The following C11orf16 variants were observed in gnomAD, a reference collection of about 807,000 sequenced individuals.
C11orf16 encodes the protein chromosome 11 open reading frame 16, also known as uncharacterized protein C11orf16.
C11orf16 carries 38 observed loss-of-function variants against 45.1 expected under a neutral mutation model. That is an observed-to-expected ratio of 0.84 (90% CI 0.65 to 1.10). C11orf16 has a LOEUF of 1.10. Ranked by LOEUF, C11orf16 falls within the 50% of genes least tolerant of loss-of-function variation. C11orf16 has a pLI of 0.00. For missense variants in C11orf16, 583 were observed against 569.5 expected (o/e 1.02, Z -0.24); for synonymous variants, 221 against 222.0 (o/e 1.00, Z 0.04).
At chr11:8,924,862 G>A (rs555665744) in intron 5 of C11orf16, among the ~76,000 whole-genome samples, 2 of 152,304 alleles carry the variant, frequency 1.3e-5, no homozygotes, top group South Asian at 4.1e-4. Context: ...AACCTAGCAG[G>A]GCCCGCCACA....
intron 4 of C11orf16, among the ~76,000 whole-genome samples, chr11:8,926,322 A>G (rs10769974): frequency 0.54 from 81,936 of 150,754 alleles, 23,493 homozygotes; most frequent in East Asian, 0.69. Flanking sequence ...TCCACGTCCT[A>G]ATCATGGGAT....
rs2134835483 is a variant in C11orf16, at chr11:8,926,845, C to A, written c.559+95G>T. On this transcript the variant is annotated intron_variant, in intron 4 of 6. Transcript: ENST00000326053. Reference sequence around the variant, plus strand: ...AATTCTCTTCTTAATGCCTTAGAAACCCCTAAGCTGTAGACGCAGCCTTGG... The same window carrying A: ...AATTCTCTTCTTAATGCCTTAGAAAACCCTAAGCTGTAGACGCAGCCTTGG... 5.2e-6 allele frequency: 5 copies of A among 965,268 alleles called. No individual in the cohort carries two copies. In the Admixed American group the frequency reaches 1.2e-4, roughly 23 times the overall value. 59.8% of individuals were successfully genotyped at this position (965,268 alleles called of 1,614,324 possible).
intron 3 of C11orf16, 193 bp from the exon 4 acceptor site, chr11:8,927,367 G>A (rs1228661557): frequency 5.0e-6 from 3 of 599,988 alleles, no homozygotes; most frequent in East Asian, 2.8e-5. Context: ...GTGTGGCACG[G>A]TTGTGCTCCC....
chr11:8,923,896 T>A (rs1448857478), intron 5 of C11orf16, among the ~76,000 whole-genome samples: 1 of 131,412 alleles, frequency 7.6e-6, no homozygotes, highest in Non-Finnish European at 1.6e-5. Context: ...TGAGCCACTG[T>A]GCCCAGCGAA....
At position 8,920,121 on chromosome 11, in the gene C11orf16, A is replaced by T. The variant is rs953976062; in HGVS notation, c.*352T>A. 2.6e-5 allele frequency: 8 copies of T among 310,314 alleles called. No individual in the cohort carries two copies. Among genetic ancestry groups the T allele is most frequent in the African/African-American group, 1.5e-4 (7 of 46,994 alleles). The allele number at this position is 310,314 out of a possible 1,614,324, so 19.2% of individuals were successfully genotyped here. A position where few individuals can be genotyped will look rare whatever the true frequency, so the allele number is the denominator to read the frequency against. On this transcript the variant is annotated 3_prime_UTR_variant, in exon 7 of 7. Transcript: ENST00000326053. ...TAAGAGGTGAAACAAAATGTCACTC[A>T]TGTACAACTAGGCTTTATGGGAAGG... is the stretch of plus-strand genomic sequence containing the variant.
At chr11:8,921,195 G>T in intron 6 of C11orf16, 99 bp downstream of exon 6, 1 of 885,752 alleles carries the variant, frequency 1.1e-6, no homozygotes, top group Non-Finnish European at 1.8e-6. Context: ...AGGACAAGGG[G>T]TCATAGGTTT....
Position 8,925,459 on chromosome 11 carries a change from A to G in C11orf16, c.1204+4T>C. 6.2e-7 allele frequency: 1 copy of G among 1,610,236 alleles called. No homozygotes were observed. The highest frequency in any genetic ancestry group is 8.5e-7 in the Non-Finnish European group (1 of 1,177,536). On this transcript the variant is annotated splice_donor_region_variant and intron_variant, in intron 5 of 6. Transcript: ENST00000326053. ...TAGAAAGCAAGCCCACTCCCCTGGTATACCTGGCTTCCCAAGGCATGGCTC... is the reference window on the plus strand; with the variant it reads ...TAGAAAGCAAGCCCACTCCCCTGGTGTACCTGGCTTCCCAAGGCATGGCTC...
intron 4 of C11orf16, 94 bp from the exon 5 acceptor site, chr11:8,926,201 T>G (rs1327887855): frequency 4.9e-6 from 6 of 1,221,798 alleles, no homozygotes; most frequent in Non-Finnish European, 6.6e-6. Context: ...TTTTTTTTTT[T>G]TTTGAGACAG....
intron 2 of C11orf16, among the ~76,000 whole-genome samples, chr11:8,931,664 A>C (rs971720579): frequency 6.6e-6 from 1 of 152,054 alleles, no homozygotes; most frequent in Non-Finnish European, 1.5e-5. Flanking sequence ...TGCTGGGATT[A>C]CAGGCATGAG....
chr11:8,926,595 A>G (rs1436114977), intron 4 of C11orf16, among the ~76,000 whole-genome samples: 5 of 152,154 alleles, frequency 3.3e-5, no homozygotes, highest in Non-Finnish European at 5.9e-5. Context: ...CTGAATTACA[A>G]TGGTGCTGAC....
Position 8,921,316 on chromosome 11 carries a change from C to G in C11orf16, c.1404G>C (p.Ter468TyrextTer11). 1.2e-6 allele frequency: 2 copies of G among 1,614,090 alleles called. No homozygotes were observed. Among genetic ancestry groups the G allele is most frequent in the South Asian group, 2.2e-5 (2 of 91,082 alleles). Reference protein sequence around the residue: ...AICQWNKNSR* With the variant: ...AICQWNKNSRY ...TACCTAGATCCTCAGGGCTCTTAGT[C>G]TAACGGGAATTCTTGTTCCACTGAC... Residue 468 changes from the stop codon to tyrosine (Y), a stop_lost, in exon 6 of 7, where the codon TAG (stop) becomes TAC (tyrosine). Transcript: ENST00000326053.
chr11:8,929,115 CA>C (rs1566113741), intron 3 of C11orf16: 2 of 397,512 alleles, frequency 5.0e-6, no homozygotes, highest in Non-Finnish European at 9.0e-6. Flanking sequence ...CCAACCTTGC[CA>C]ACCCCTGGAC....
Position 8,926,107 on chromosome 11 carries a change from G to T in C11orf16, c.560C>A (p.Ala187Glu), listed in dbSNP as rs1566112523. 1 of 1,558,058 alleles carries T rather than the reference G, an allele frequency of 6.4e-7. No homozygotes were observed. The highest frequency in any genetic ancestry group is 8.7e-7 in the Non-Finnish European group (1 of 1,151,738). Residue 187 changes from alanine to glutamate, a missense_variant and splice_region_variant, in exon 5 of 7, where the codon GCA becomes GAA. Ala to Glu is a moderately radical substitution (Grantham distance 107). Transcript: ENST00000326053. ...LGLEMRDPQR[A>E]SKEKEITVHF... ...AACAGTGATTTCTTTTTCCTTTGAT[G>T]CTACATAACAAAAAATGGCAACATT...
intron 3 of C11orf16, chr11:8,929,113 G>T: frequency 2.5e-6 from 1 of 394,194 alleles, no homozygotes; most frequent in South Asian, 4.9e-5. Flanking sequence ...AACCAACCTT[G>T]CCAACCCCTG....
chr11:8,927,635 A>C, intron 3 of C11orf16: 1 of 456,826 alleles, frequency 2.2e-6, no homozygotes, highest in Non-Finnish European at 4.4e-6. Flanking sequence ...TATGAGGCTC[A>C]TGTAGGCAAG....
At chr11:8,928,636 G>A (rs559402565) in intron 3 of C11orf16, among the ~76,000 whole-genome samples, 12 of 152,252 alleles carry the variant, frequency 7.9e-5, no homozygotes, top group South Asian at 6.2e-4. Context: ...AAGTAGCTGC[G>A]ACTACAGCCA....
chr11:8,927,192 C>A lies in C11orf16; in HGVS notation c.325-18G>T, dbSNP rs776953404. 1 of 1,595,568 alleles carries A rather than the reference C, an allele frequency of 6.3e-7. No individual in the cohort carries two copies. The highest frequency in any genetic ancestry group is 2.2e-5 in the East Asian group (1 of 44,636). On this transcript the variant is annotated intron_variant, in intron 3 of 6. Transcript: ENST00000326053. ...CTCTCCAGCTGTGGGAAAGAAAACACTCAGAATAAGACCTGGCATTACAAA... is the reference window on the plus strand; with the variant it reads ...CTCTCCAGCTGTGGGAAAGAAAACAATCAGAATAAGACCTGGCATTACAAA...
chr11:8,931,012 G>C (rs760048707), intron 2 of C11orf16, among the ~76,000 whole-genome samples: 6 of 152,182 alleles, frequency 3.9e-5, no homozygotes, highest in Admixed American at 6.5e-5. Context: ...GCAGGAATGC[G>C]AGTCCCTGGA....
intron 5 of C11orf16, among the ~76,000 whole-genome samples, chr11:8,923,805 T>G (rs1195994162): frequency 6.6e-6 from 1 of 151,938 alleles, no homozygotes; most frequent in Non-Finnish European, 1.5e-5. Flanking sequence ...GGTTTCACTT[T>G]GTTGGTCAGG....
Sources: allele counts gnomAD v4.1 joint callset (sites outside exome capture counted in the v4.1 genomes callset), GRCh38; gene constraint gnomAD v4.1.1; transcripts MANE v1.5; gene names NCBI Gene and HGNC (gene_info 2026-07-23, HGNC 2026-07-21).